Variants in SVEP1 observed in about 807,000 individuals in gnomAD.
SVEP1 encodes the protein sushi, von Willebrand factor type A, EGF and pentraxin domain-containing protein 1.
A neutral mutation model predicts 367.3 loss-of-function variants in SVEP1; 164 were observed. The ratio of observed to expected loss-of-function variants is 0.45; its 90% confidence interval spans 0.39 to 0.51. SVEP1 has a LOEUF of 0.51. Ranked by LOEUF, SVEP1 falls within the 20% of genes least tolerant of loss-of-function variation. The probability of loss-of-function intolerance (pLI) is 0.00; values close to 1 mark genes in which losing one functional copy is unlikely to be tolerated. For synonymous variants in SVEP1, 1,666 were observed against 1,611.6 expected, an observed-to-expected ratio of 1.03 and a Z score of -0.81; for missense variants, 4,117 against 4,425.3, an observed-to-expected ratio of 0.93 and a Z score of 1.98.
chr9:110,498,977 A>G (rs1261397881), intron 7 of SVEP1, 64 bp downstream of exon 7: 3 of 1,463,764 alleles, frequency 2.0e-6, no homozygotes, highest in East Asian at 2.3e-5. Context: ...GGATTGTCCT[A>G]TACTGCACCC....
At chr9:110,568,202 G>A (rs1440356873) in intron 1 of SVEP1, among the ~76,000 whole-genome samples, 1 of 152,204 alleles carries the variant, frequency 6.6e-6, no homozygotes, top group Non-Finnish European at 1.5e-5. Context: ...GCAGAGCCTA[G>A]ATGGAAACAT....
chr9:110,368,591 CTT>C (rs1827232974), intron 47 of SVEP1, among the ~76,000 whole-genome samples: 1 of 152,138 alleles, frequency 6.6e-6, no homozygotes, highest in Non-Finnish European at 1.5e-5. Context: ...TCTCTCTGGG[CTT>C]TTCTTTATCT....
intron 40 of SVEP1, among the ~76,000 whole-genome samples, chr9:110,394,579 AT>A (rs1827726994): frequency 6.6e-6 from 1 of 152,222 alleles, no homozygotes; most frequent in African/African-American, 2.4e-5. Context: ...GTTCAAACGA[AT>A]GGCAAAGAAG....
intron 37 of SVEP1, among the ~76,000 whole-genome samples, chr9:110,410,468 C>G (rs908471600): frequency 6.6e-6 from 1 of 152,116 alleles, no homozygotes; most frequent in Non-Finnish European, 1.5e-5. Flanking sequence ...TAATATATTT[C>G]TCTAGGTTCC....
intron 38 of SVEP1, 54 bp from the exon 39 acceptor site, chr9:110,404,606 G>A (rs2118484034): frequency 1.3e-6 from 2 of 1,525,802 alleles, no homozygotes; most frequent in Non-Finnish European, 1.8e-6. Context: ...TATAGTTTCT[G>A]ATCTATCCTT....
At position 110,577,753 on chromosome 9, in the gene SVEP1, C is replaced by A. The variant is rs970355819; in HGVS notation, c.531+1260G>T. On this transcript the variant is annotated intron_variant, in intron 1 of 47. Coordinates refer to ENST00000374469, the MANE Select transcript of SVEP1 (RefSeq NM_153366.4). ...TTTGCAAATCATTAAGAAAAAAAAA[C>A]AAGCCAATGTGTTAAGAAAAAACAA... Among the ~76,000 whole-genome samples the A allele has an allele frequency of 1.1e-4, 16 of 151,260 alleles. 1 individual carries two copies. In the South Asian group the frequency reaches 3.3e-3, roughly 32 times the overall value.
intron 2 of SVEP1, 79 bp from the exon 3 acceptor site, chr9:110,546,370 T>C (rs773207893): frequency 1.2e-4 from 174 of 1,443,742 alleles, no homozygotes; most frequent in Non-Finnish European, 1.6e-4. Flanking sequence ...AAAATTTAAG[T>C]GCAAGCTGGA....
intron 1 of SVEP1, 112 bp downstream of exon 1, chr9:110,578,901 T>G: frequency 8.3e-7 from 1 of 1,204,354 alleles, no homozygotes; most frequent in Non-Finnish European, 1.1e-6. Context: ...ACGCTTGACT[T>G]GGGGTGGTTA....
chr9:110,509,526 T>C (rs1829676974), intron 5 of SVEP1, among the ~76,000 whole-genome samples: 1 of 152,218 alleles, frequency 6.6e-6, no homozygotes, highest in South Asian at 2.1e-4. Flanking sequence ...GCATGCTTTT[T>C]TGTAGTCAAG....
intron 43 of SVEP1, 60 bp from the exon 44 acceptor site, chr9:110,379,577 C>G: frequency 6.5e-7 from 1 of 1,545,418 alleles, no homozygotes; most frequent in Non-Finnish European, 8.8e-7. Flanking sequence ...AGAACACAGT[C>G]TCATCTCTCA....
At chr9:110,530,011 T>C (rs1829997622) in intron 3 of SVEP1, among the ~76,000 whole-genome samples, 1 of 30,902 alleles carries the variant, frequency 3.2e-5, no homozygotes, top group Non-Finnish European at 8.9e-5. Flanking sequence ...ATGGCTTTTA[T>C]ATTTTGTGTT....
chr9:110,459,233 T>C, intron 18 of SVEP1, 120 bp from the exon 19 acceptor site: 1 of 874,274 alleles, frequency 1.1e-6, no homozygotes, highest in Non-Finnish European at 1.7e-6. Context: ...CTCTTCCATA[T>C]ATTTAATACC....
intron 39 of SVEP1, 79 bp from the exon 40 acceptor site, chr9:110,401,088 T>TTTA: frequency 6.5e-7 from 1 of 1,540,542 alleles, no homozygotes; most frequent in Non-Finnish European, 8.8e-7. Flanking sequence ...ATATTGGTTA[T>TTTA]TTGCAGAATA....
chr9:110,495,612 C>T (rs931838836), intron 8 of SVEP1, among the ~76,000 whole-genome samples: 16 of 151,582 alleles, frequency 1.1e-4, no homozygotes, highest in Non-Finnish European at 2.1e-4. Context: ...GCTCTGCATC[C>T]CCCCCGCCGC....
At chr9:110,475,399 C>T (rs978830986) in intron 14 of SVEP1, among the ~76,000 whole-genome samples, 2 of 152,180 alleles carry the variant, frequency 1.3e-5, no homozygotes, top group Non-Finnish European at 2.9e-5. Flanking sequence ...GAAACTGAGG[C>T]ACAGAGTGTG....
intron 21 of SVEP1, among the ~76,000 whole-genome samples, chr9:110,456,160 G>A (rs1828772923): frequency 6.6e-6 from 1 of 152,242 alleles, no homozygotes. Context: ...GGCTAGCTGT[G>A]CTGGAAACCC....
chr9:110,578,859 G>C (rs1483340094), intron 1 of SVEP1, among the ~76,000 whole-genome samples, 154 bp downstream of exon 1: 1 of 152,136 alleles, frequency 6.6e-6, no homozygotes, highest in Admixed American at 6.5e-5. Context: ...AATAATAGGC[G>C]GGTAGCGATG....
In SVEP1 at chr9:110,498,752, T is replaced by C. The variant is rs79366482; in HGVS notation, c.1681+289A>G. On this transcript the variant is annotated intron_variant, in intron 7 of 47. Transcript: ENST00000374469. ...TCAATTCAGTCTCACCTGCTTTATATAGACCAAGACTTCCCTAAAGATTTT... is the reference window on the plus strand; with the variant it reads ...TCAATTCAGTCTCACCTGCTTTATACAGACCAAGACTTCCCTAAAGATTTT... 1.5e-3 allele frequency among the ~76,000 whole-genome samples: 232 copies of C among 152,328 alleles called. 1 individual carries two copies. The highest frequency in any genetic ancestry group is 5.0e-3 in the African/African-American group (210 of 41,592).
intron 36 of SVEP1, among the ~76,000 whole-genome samples, chr9:110,412,135 TAAAATC>T (rs1828054207): frequency 6.6e-6 from 1 of 152,206 alleles, no homozygotes; most frequent in African/African-American, 2.4e-5. Context: ...ATTTAAAAAA[TAAAATC>T]AAGGAGTAAG....
Sources: allele counts gnomAD v4.1 joint callset (sites outside exome capture counted in the v4.1 genomes callset), GRCh38; gene constraint gnomAD v4.1.1; transcripts MANE v1.5; gene names NCBI Gene and HGNC (gene_info 2026-07-23, HGNC 2026-07-21).